JAKMIP3: variants seen among roughly 807,000 people sequenced by gnomAD.
JAKMIP3 encodes the protein janus kinase and microtubule-interacting protein 3.
JAKMIP3 carries 58 observed loss-of-function variants against 118.5 expected under a neutral mutation model. That is an observed-to-expected ratio of 0.49 (90% CI 0.40 to 0.61). The LOEUF is 0.61. Among genes scored for constraint, JAKMIP3 ranks in the 20% least tolerant of loss-of-function variants. JAKMIP3 has a pLI of 0.00. For missense variants in JAKMIP3, 950 were observed against 1,109.0 expected, an observed-to-expected ratio of 0.86 and a Z score of 2.04; for synonymous variants, 486 against 451.2, an observed-to-expected ratio of 1.08 and a Z score of -0.98.
chr10:132,164,270 G>A (rs1407037453), intron 20 of JAKMIP3, among the ~76,000 whole-genome samples: 1 of 152,194 alleles, frequency 6.6e-6, no homozygotes, highest in African/African-American at 2.4e-5. Flanking sequence ...ATGCTTGGGG[G>A]ACCCCAGGCG....
intron 1 of JAKMIP3, among the ~76,000 whole-genome samples, chr10:132,097,934 CCCCTT>C (rs1564892854): frequency 2.9e-5 from 1 of 34,438 alleles, no homozygotes; most frequent in Non-Finnish European, 6.1e-5. Flanking sequence ...CCTTCCCCTT[CCCCTT>C]TCCCTTTCCC....
chr10:132,087,202 C>G (rs559959492), intron 1 of JAKMIP3, among the ~76,000 whole-genome samples: 101 of 152,312 alleles, frequency 6.6e-4, no homozygotes, highest in African/African-American at 2.3e-3. Flanking sequence ...TCCATTCTAG[C>G]TTGTACGGTT....
chr10:132,113,913 G>A (rs564353007), intron 2 of JAKMIP3, among the ~76,000 whole-genome samples: 32 of 152,352 alleles, frequency 2.1e-4, no homozygotes, highest in Non-Finnish European at 4.0e-4. Flanking sequence ...CATAGACAGC[G>A]TTACTGTCCC....
At chr10:132,132,195 C>T (rs774401368) in intron 3 of JAKMIP3, among the ~76,000 whole-genome samples, 2 of 152,248 alleles carry the variant, frequency 1.3e-5, no homozygotes, top group Non-Finnish European at 2.9e-5. Context: ...CATCTCATTT[C>T]TTTGTTTCCA....
At chr10:132,116,322 T>G (rs1564916284) in intron 2 of JAKMIP3, among the ~76,000 whole-genome samples, 1 of 151,124 alleles carries the variant, frequency 6.6e-6, no homozygotes, top group African/African-American at 2.4e-5. Context: ...CACATTCAGA[T>G]GTGTGAGTGT....
At chr10:132,094,095 G>T (rs1266377351) in intron 1 of JAKMIP3, among the ~76,000 whole-genome samples, 3 of 151,858 alleles carry the variant, frequency 2.0e-5, no homozygotes, top group Admixed American at 2.0e-4. Flanking sequence ...ACACCACCAT[G>T]CCCGGCTAAT....
chr10:132,164,803 C>A, intron 21 of JAKMIP3, 68 bp downstream of exon 21: 1 of 1,084,368 alleles, frequency 9.2e-7, no homozygotes, highest in Non-Finnish European at 1.4e-6. Context: ...GTCACCCCGA[C>A]CTGAGTCACT....
In JAKMIP3 at chr10:132,104,694, ACAG is replaced by A. The variant is rs1218195464; in HGVS notation, c.-110_-108del. On this transcript the variant is annotated 5_prime_UTR_variant, in exon 2 of 24. Transcript: ENST00000684848. Reference sequence around the variant, plus strand: ...CAGGTGAATGAGAAGATGTAGTGTGACAGCAGCCCGGGTGACACCTGCTGGGAG... The same window carrying A: ...CAGGTGAATGAGAAGATGTAGTGTGACAGCCCGGGTGACACCTGCTGGGAG... 1 of 1,055,118 alleles carries A rather than the reference ACAG, an allele frequency of 9.5e-7. No individual in the cohort carries two copies. Among genetic ancestry groups the A allele is most frequent in the African/African-American group, 1.6e-5 (1 of 63,262 alleles). The allele number at this position is 1,055,118 out of a possible 1,614,324, so 65.4% of individuals were successfully genotyped here. A position where few individuals can be genotyped will look rare whatever the true frequency, so the allele number is the denominator to read the frequency against.
At chr10:132,074,947 G>A (rs1489243398) in intron 1 of JAKMIP3, among the ~76,000 whole-genome samples, 1 of 152,090 alleles carries the variant, frequency 6.6e-6, no homozygotes, top group African/African-American at 2.4e-5. Flanking sequence ...CATTTCCCCA[G>A]TGCATGTTTT....
intron 1 of JAKMIP3, among the ~76,000 whole-genome samples, chr10:132,088,749 T>A (rs1282975562): frequency 2.6e-5 from 4 of 152,210 alleles, no homozygotes; most frequent in Non-Finnish European, 1.5e-5. Context: ...TTGTTCCCAT[T>A]GCTTTTGGTG....
In JAKMIP3 at chr10:132,058,389, G is replaced by A. The variant is rs533745477; in HGVS notation, c.-138+21651G>A. Among the ~76,000 whole-genome samples the A allele has an allele frequency of 3.5e-4, 54 of 152,214 alleles. 1 individual carries two copies. The highest frequency in any genetic ancestry group is 6.5e-4 in the Non-Finnish European group (44 of 68,030). ...ACAGGTGTATCCAGGCCCCAGGGGC[G>A]CAGGGTGACGGCCTCCATCGGGAAG... On this transcript the variant is annotated intron_variant, in intron 1 of 23. Transcript: ENST00000657785.
chr10:132,133,221 G>A, intron 3 of JAKMIP3, 91 bp from the exon 4 acceptor site: 1 of 1,147,258 alleles, frequency 8.7e-7, no homozygotes, highest in Admixed American at 2.0e-5. Flanking sequence ...CGGTCTCAGA[G>A]CCCAGAGCCT....
At chr10:132,163,042 G>T (rs530019558) in intron 19 of JAKMIP3, among the ~76,000 whole-genome samples, 167 bp from the exon 20 acceptor site, 4 of 152,224 alleles carry the variant, frequency 2.6e-5, no homozygotes, top group Non-Finnish European at 5.9e-5. Context: ...GGGGAGGTCC[G>T]TGGGGCCCCT....
At chr10:132,103,179 C>T (rs1564899528) in intron 1 of JAKMIP3, among the ~76,000 whole-genome samples, 1 of 151,820 alleles carries the variant, frequency 6.6e-6, no homozygotes, top group East Asian at 1.9e-4. Flanking sequence ...GGGAAAGGTG[C>T]TTTTTTCCCT....
chr10:132,045,017 G>A (rs1269405059), intron 1 of JAKMIP3, among the ~76,000 whole-genome samples: 1 of 152,144 alleles, frequency 6.6e-6, no homozygotes, highest in African/African-American at 2.4e-5. Flanking sequence ...GGGGCTCCAT[G>A]TTTCAGTCTT....
rs922244004 is a variant in JAKMIP3, at chr10:132,184,333, A to G, written c.*3080A>G. 6.6e-6 allele frequency: 1 copy of G among 152,202 alleles called. No individual in the cohort carries two copies. The highest frequency in any genetic ancestry group is 1.5e-5 in the Non-Finnish European group (1 of 68,024). The allele number at this position is 152,202 out of a possible 1,614,324, so 9.4% of individuals were successfully genotyped here. A position where few individuals can be genotyped will look rare whatever the true frequency, so the allele number is the denominator to read the frequency against. ...TTGTGAACACCGATACTAGAAGTCA[A>G]AAAGAAGAGAGTGCCCAAGTGTGGG... is the stretch of plus-strand genomic sequence containing the variant. On this transcript the variant is annotated 3_prime_UTR_variant, in exon 24 of 24. Coordinates refer to ENST00000684848, the MANE Select transcript of JAKMIP3 (RefSeq NM_001323087.2).
chr10:132,053,720 A>G (rs935153371), intron 1 of JAKMIP3, among the ~76,000 whole-genome samples: 5 of 152,186 alleles, frequency 3.3e-5, no homozygotes, highest in Non-Finnish European at 7.4e-5. Flanking sequence ...GCGCTGTTGG[A>G]GGAGTGGAGC....
In JAKMIP3 at chr10:132,118,696, G is replaced by C. The variant is rs2048102707; in HGVS notation, c.633+1122G>C. On this transcript the variant is annotated intron_variant, in intron 3 of 23. Transcript: ENST00000684848. This position sits in a 1 kb window ranked among gnomAD's most constrained non-coding sequence, Gnocchi z 4.8. ...GTGCCCCCAAACGTGCCTAACCCGG[G>C]TGATTCCCTTCCTTTCCAAAGTGGT... Among the ~76,000 whole-genome samples the C allele has an allele frequency of 1.3e-5, 2 of 152,206 alleles. No individual in the cohort carries two copies. Among genetic ancestry groups the C allele is most frequent in the Non-Finnish European group, 2.9e-5 (2 of 68,038 alleles).
rs1447728654 is a variant in JAKMIP3, at chr10:132,117,490, C to T, written c.549C>T (p.Ala183=). The T allele has an allele frequency of 9.9e-6, 16 of 1,612,360 alleles. No individual in the cohort carries two copies. The highest frequency in any genetic ancestry group is 2.2e-5 in the East Asian group (1 of 44,818). The change falls in exon 3 of 24, where the codon GCC becomes GCT. Residue 183 remains alanine (A), a synonymous_variant. Transcript: ENST00000684848. The surrounding 1 kb of genome is among the most constrained non-coding windows in gnomAD (Gnocchi z 8.6). ...TGATCCAAGCGGACAAGATCAAGGC[C>T]GCAGAGATCCGCAGCGTGTACCACC... is the stretch of plus-strand genomic sequence containing the variant. The part of the protein sequence containing the change: ...TLVIQADKIK[A]AEIRSVYHLH...
Sources: gnomAD v4.1 joint callset for allele counts (sites outside exome capture counted in the v4.1 genomes callset) on GRCh38, gnomAD v4.1.1 for gene constraint, Gnocchi (gnomAD v3.1) non-coding constraint, MANE v1.5 for transcripts, NCBI Gene and HGNC (gene_info 2026-07-23, HGNC 2026-07-21) for gene names.